SPARCL1: variants seen among roughly 807,000 people sequenced by gnomAD.
SPARCL1 encodes SPARC like 1.
In SPARCL1, 52 loss-of-function variants were observed where a neutral mutation model predicts 67.1. That is an observed-to-expected ratio of 0.78 (90% CI 0.62 to 0.98). The LOEUF is 0.98. Ranked by LOEUF, SPARCL1 falls within the 50% of genes least tolerant of loss-of-function variation. The pLI, the probability that SPARCL1 is intolerant of heterozygous loss-of-function variation, is 0.00. For synonymous variants in SPARCL1, 226 were observed against 267.8 expected, an observed-to-expected ratio of 0.84 and a Z score of 1.52; for missense variants, 717 against 782.4, an observed-to-expected ratio of 0.92 and a Z score of 1.00.
Position 87,493,833 on chromosome 4 carries a change from C to T in SPARCL1, c.967G>A (p.Glu323Lys), listed in dbSNP as rs1449990515. 10 of 1,614,038 alleles carry T rather than the reference C, an allele frequency of 6.2e-6. No homozygotes were observed. The highest frequency in any genetic ancestry group is 7.6e-6 in the Non-Finnish European group (9 of 1,180,036). Residue 323 changes from glutamate to lysine, a missense_variant, in exon 4 of 11, where the codon GAA (glutamate) becomes AAA (lysine). By Grantham distance (56) the Glu-to-Lys change is moderately conservative (BLOSUM62 1). Coordinates refer to ENST00000282470, the MANE Select transcript of SPARCL1 (RefSeq NM_004684.6). ...EKTVSEALLM[E>K]PTDDGNTTPR... Reference sequence around the variant, plus strand: ...GTGGTATTACCATCATCAGTAGGTTCCATGAGCAGAGCCTCAGAAACAGTC... The same window carrying T: ...GTGGTATTACCATCATCAGTAGGTTTCATGAGCAGAGCCTCAGAAACAGTC...
At position 87,490,261 on chromosome 4, in the gene SPARCL1, AC is replaced by A. The variant is rs140051158; in HGVS notation, c.1531+11del. ...TCAGAGATGATGGTTGACAGGAGGGACATAATCTTACATTTGCAGGCTCCAA... is the reference window on the plus strand; with the variant it reads ...TCAGAGATGATGGTTGACAGGAGGGAATAATCTTACATTTGCAGGCTCCAA... On this transcript the variant is annotated intron_variant, in intron 7 of 10. Transcript: ENST00000282470. 9.7e-4 allele frequency: 1,555 copies of A among 1,605,418 alleles called. 16 individuals carry two copies. The African/African-American group carries it at 0.018, about 19-fold the overall frequency.
rs267600289 is a variant in SPARCL1, at chr4:87,480,453, C to T, written c.1736G>A (p.Arg579Lys). The T allele has an allele frequency of 1.9e-6, 3 of 1,613,180 alleles. No homozygotes were observed. Among genetic ancestry groups the T allele is most frequent in the Non-Finnish European group, 2.5e-6 (3 of 1,179,524 alleles). The change falls in exon 9 of 11, where the codon AGG becomes AAG. Residue 579 changes from arginine (R) to lysine (K), a missense_variant. Physicochemically the swap from Arg to Lys is conservative, Grantham distance 26. Coordinates refer to ENST00000282470, the MANE Select transcript of SPARCL1 (RefSeq NM_004684.6). ...AGDHPIDLLL[R>K]DFKKNYHMYV... ...CATGTGGTAGTTTTTCTTAAAGTCC[C>T]TTAAGAGAAGATCAATGGGATGGTC...
At chr4:87,480,609 G>A (rs1285477778) in intron 8 of SPARCL1, 89 bp from the exon 9 acceptor site, 4 of 1,268,722 alleles carry the variant, frequency 3.2e-6, no homozygotes, top group Non-Finnish European at 2.2e-6. Context: ...AAGAGTGACA[G>A]TAACACGATA....
At chr4:87,515,445 AC>A (rs1441982468) in intron 1 of SPARCL1, among the ~76,000 whole-genome samples, 1 of 152,198 alleles carries the variant, frequency 6.6e-6, no homozygotes, top group African/African-American at 2.4e-5. Flanking sequence ...TGGCTTAATA[AC>A]CCCAATAATG....
At chr4:87,506,403 A>G (rs1725073029) in intron 1 of SPARCL1, among the ~76,000 whole-genome samples, 1 of 152,202 alleles carries the variant, frequency 6.6e-6, no homozygotes, top group African/African-American at 2.4e-5. Context: ...TGTGTTCTGA[A>G]GAAATTAACA....
At chr4:87,521,459 G>A (rs1470432762) in intron 1 of SPARCL1, among the ~76,000 whole-genome samples, 1 of 152,172 alleles carries the variant, frequency 6.6e-6, no homozygotes, top group African/African-American at 2.4e-5. Context: ...GGAAATTTTA[G>A]TGCTGGTAGT....
chr4:87,509,528 A>C (rs1725258373), intron 1 of SPARCL1, among the ~76,000 whole-genome samples: 1 of 152,190 alleles, frequency 6.6e-6, no homozygotes, highest in Admixed American at 6.5e-5. Flanking sequence ...AGCTGTATGA[A>C]GGATGTTCTC....
At chr4:87,505,421 T>A (rs1202266974) in intron 1 of SPARCL1, among the ~76,000 whole-genome samples, 1 of 152,152 alleles carries the variant, frequency 6.6e-6, no homozygotes, top group Admixed American at 6.5e-5. Flanking sequence ...TCCTAGTGAA[T>A]GCTAATTGTA....
At position 87,480,411 on chromosome 4, in the gene SPARCL1, T is replaced by A. The variant is rs377123983; in HGVS notation, c.1778A>T (p.His593Leu). 6.2e-7 allele frequency: 1 copy of A among 1,610,806 alleles called. No individual in the cohort carries two copies. Among genetic ancestry groups the A allele is most frequent in the Non-Finnish European group, 8.5e-7 (1 of 1,178,466 alleles). The change falls in exon 9 of 11, where the codon CAC becomes CTC. Residue 593 changes from histidine to leucine, a missense_variant. Physicochemically the swap from His to Leu is moderately conservative, Grantham distance 99. Coordinates refer to ENST00000282470, the MANE Select transcript of SPARCL1 (RefSeq NM_004684.6). ...KNYHMYVYPV[H>L]WQFSELDQHP... is the part of the protein sequence containing the mutation. Reference sequence around the variant, plus strand: ...TTGGTCAAGTTCACTAAACTGCCAGTGCACAGGATACACATACATGTGGTA... The same window carrying A: ...TTGGTCAAGTTCACTAAACTGCCAGAGCACAGGATACACATACATGTGGTA...
intron 1 of SPARCL1, among the ~76,000 whole-genome samples, chr4:87,523,668 T>C (rs1296822609): frequency 6.6e-6 from 1 of 152,216 alleles, no homozygotes; most frequent in African/African-American, 2.4e-5. Context: ...ATGAAGAGTT[T>C]TAACAAAATT....
At chr4:87,525,243 T>G (rs935583881) in intron 1 of SPARCL1, among the ~76,000 whole-genome samples, 6 of 152,192 alleles carry the variant, frequency 3.9e-5, no homozygotes, top group African/African-American at 1.4e-4. Flanking sequence ...GCTCCTGAGC[T>G]TAGCAGCCAA....
At chr4:87,517,078 A>G (rs1282166550) in intron 1 of SPARCL1, among the ~76,000 whole-genome samples, 1 of 152,174 alleles carries the variant, frequency 6.6e-6, no homozygotes, top group African/African-American at 2.4e-5. Flanking sequence ...TCTTTGCTCA[A>G]GTCCTACTAT....
rs1723767724 is a variant in SPARCL1, at chr4:87,480,420, T to C, written c.1769A>G (p.Tyr590Cys). ...TTCACTAAACTGCCAGTGCACAGGATACACATACATGTGGTAGTTTTTCTT... is the reference window on the plus strand; with the variant it reads ...TTCACTAAACTGCCAGTGCACAGGACACACATACATGTGGTAGTTTTTCTT... Reference protein sequence around the residue: ...DFKKNYHMYVYPVHWQFSELD... With the variant: ...DFKKNYHMYVCPVHWQFSELD... Residue 590 changes from tyrosine to cysteine, a missense_variant, in exon 9 of 11, where the codon TAT (tyrosine) becomes TGT (cysteine). By Grantham distance (194) the Tyr-to-Cys change is radical. Transcript: ENST00000282470. 6.2e-7 allele frequency: 1 copy of C among 1,613,068 alleles called. No homozygotes were observed. Among genetic ancestry groups the C allele is most frequent in the South Asian group, 1.1e-5 (1 of 90,846 alleles).
At chr4:87,521,972 C>T (rs566698628) in intron 1 of SPARCL1, among the ~76,000 whole-genome samples, 40 of 152,264 alleles carry the variant, frequency 2.6e-4, no homozygotes, top group African/African-American at 5.1e-4. Flanking sequence ...AGACTCAGAA[C>T]GTTCCTGTTC....
intron 1 of SPARCL1, among the ~76,000 whole-genome samples, chr4:87,499,790 C>T (rs1260013747): frequency 1.3e-5 from 2 of 152,072 alleles, no homozygotes; most frequent in East Asian, 1.9e-4. Flanking sequence ...CCTGATTTTT[C>T]GGTCCGGCCA....
chr4:87,490,311 C>A lies in SPARCL1; in HGVS notation c.1493G>T (p.Gly498Val). Residue 498 changes from glycine to valine, a missense_variant, in exon 7 of 11, where the codon GGG becomes GTG. Physicochemically the swap from Gly to Val is moderately radical, Grantham distance 109. Coordinates refer to ENST00000282470, the MANE Select transcript of SPARCL1 (RefSeq NM_004684.6). ...AAAATAATCCAGCTGGAGTTGATGC[C>A]CCTTTTTGGTCCCCTCCAGTCTGCA... ...TKCRLEGTKK[G>V]HQLQLDYFGA... The A allele has an allele frequency of 1.2e-6, 2 of 1,613,008 alleles. No homozygotes were observed. Among genetic ancestry groups the A allele is most frequent in the Non-Finnish European group, 1.7e-6 (2 of 1,179,540 alleles).
intron 10 of SPARCL1, among the ~76,000 whole-genome samples, 194 bp downstream of exon 10, chr4:87,479,236 T>A (rs183770869): frequency 9.6e-4 from 146 of 152,260 alleles, no homozygotes; most frequent in Middle Eastern, 3.4e-3. Flanking sequence ...TTGAAAACAG[T>A]GCCATAAAGG....
intron 1 of SPARCL1, among the ~76,000 whole-genome samples, chr4:87,504,193 G>T (rs1724981911): frequency 6.9e-6 from 1 of 144,594 alleles, no homozygotes; most frequent in Non-Finnish European, 1.5e-5. Context: ...GGTGGGGTGG[G>T]GGTGGGAGGG....
chr4:87,498,490 G>A (rs1009801116), intron 2 of SPARCL1, among the ~76,000 whole-genome samples: 1 of 152,172 alleles, frequency 6.6e-6, no homozygotes, highest in African/African-American at 2.4e-5. Context: ...GAATCCTTTG[G>A]TTTAATGAAG....
Sources: gnomAD v4.1 joint callset for allele counts (sites outside exome capture counted in the v4.1 genomes callset) on GRCh38, gnomAD v4.1.1 for gene constraint, MANE v1.5 for transcripts, NCBI Gene and HGNC (gene_info 2026-07-23, HGNC 2026-07-21) for gene names.